The following RGS18 variants were observed in gnomAD, a reference collection of about 807,000 sequenced individuals.
RGS18 encodes the protein regulator of G-protein signaling 18.
Under a neutral mutation model 27.6 loss-of-function variants are expected in RGS18, and 22 were observed. That is an observed-to-expected ratio of 0.80 (90% CI 0.57 to 1.14). The LOEUF (loss-of-function observed/expected upper bound fraction) is 1.14. Among genes scored for constraint, RGS18 ranks in the 50% most tolerant of loss-of-function variants. RGS18 has a pLI of 0.00. For synonymous variants in RGS18, 89 were observed against 84.6 expected (o/e 1.05, Z -0.29); for missense variants, 299 against 269.6 (o/e 1.11, Z -0.76).
intron 3 of RGS18, chr1:192,169,760 A>G (rs1002713585): frequency 7.5e-6 from 1 of 133,580 alleles, no homozygotes; most frequent in South Asian, 2.3e-4. Flanking sequence ...CTTTATAGCA[A>G]CTATTAAGCA....
chr1:192,160,496 T>C (rs1656051756), intron 3 of RGS18, 57 bp downstream of exon 3: 1 of 1,255,616 alleles, frequency 8.0e-7, no homozygotes, highest in Non-Finnish European at 1.2e-6. Context: ...ACACAAACTA[T>C]GCATGTAATT....
chr1:192,165,678 C>T (rs1656152636), intron 3 of RGS18, among the ~76,000 whole-genome samples: 1 of 152,136 alleles, frequency 6.6e-6, no homozygotes, highest in Non-Finnish European at 1.5e-5. Context: ...CTGATACCTT[C>T]TGCAAAATAT....
In RGS18 at chr1:192,159,299, G is replaced by T; in HGVS notation, c.199G>T (p.Gly67Trp). The T allele has an allele frequency of 6.2e-7, 1 of 1,612,366 alleles. No individual in the cohort carries two copies. Among genetic ancestry groups the T allele is most frequent in the Non-Finnish European group, 8.5e-7 (1 of 1,178,528 alleles). Reference sequence around the variant, plus strand: ...TGAAGACACCCGCTCCAGTAGATCTGGGCACTTGGCCAAAGAAACAAGGTG... The same window carrying T: ...TGAAGACACCCGCTCCAGTAGATCTTGGCACTTGGCCAAAGAAACAAGGTG... ...FHEDTRSSRS[G>W]HLAKETRVSP... Residue 67 changes from glycine (G) to tryptophan (W), a missense_variant, in exon 2 of 5, where the codon GGG becomes TGG. Coordinates refer to ENST00000367460, the MANE Select transcript of RGS18 (RefSeq NM_130782.3).
At chr1:192,160,511 G>A (rs994425905) in intron 3 of RGS18, 72 bp downstream of exon 3, 38 of 1,088,038 alleles carry the variant, frequency 3.5e-5, no homozygotes, top group Admixed American at 3.4e-4. Flanking sequence ...GTAATTATCC[G>A]AAACAATAGG....
intron 2 of RGS18, among the ~76,000 whole-genome samples, chr1:192,160,151 G>GA (rs546179206): frequency 1.3e-5 from 2 of 151,262 alleles, no homozygotes; most frequent in Non-Finnish European, 3.0e-5. Flanking sequence ...ATATCCATGA[G>GA]AAAAAAAATA....
chr1:192,183,394 C>T (rs1031057484), intron 4 of RGS18, among the ~76,000 whole-genome samples: 3 of 151,598 alleles, frequency 2.0e-5, no homozygotes, highest in Non-Finnish European at 4.4e-5. Context: ...ATTAAAATCT[C>T]AAATATGCCC....
intron 3 of RGS18, among the ~76,000 whole-genome samples, chr1:192,165,830 T>A (rs1476436301): frequency 6.6e-6 from 1 of 152,190 alleles, no homozygotes; most frequent in Non-Finnish European, 1.5e-5. Context: ...TATTAGTCTA[T>A]TTTTTCTGCT....
chr1:192,161,918 T>C lies in RGS18; in HGVS notation c.283+1479T>C, dbSNP rs565146777. Among the ~76,000 whole-genome samples, 312 of 152,344 alleles carry C rather than the reference T, an allele frequency of 2.0e-3. 1 individual carries two copies. The highest frequency in any genetic ancestry group is 7.2e-3 in the African/African-American group (299 of 41,574). ...CTCTTTATAAGGTCTTGGTGACCTT[T>C]TCATGTTCTTCTGAATTTAGTGATA... On this transcript the variant is annotated intron_variant, in intron 3 of 4. Coordinates refer to ENST00000367460, the MANE Select transcript of RGS18 (RefSeq NM_130782.3).
intron 3 of RGS18, among the ~76,000 whole-genome samples, chr1:192,175,966 G>A (rs1226443096): frequency 6.6e-6 from 1 of 151,840 alleles, no homozygotes; most frequent in Non-Finnish European, 1.5e-5. Flanking sequence ...CAGGAAAGCT[G>A]CTAAGAGTGA....
At position 192,158,689 on chromosome 1, in the gene RGS18, G is replaced by T; in HGVS notation, c.52G>T (p.Glu18Ter). The T allele has an allele frequency of 6.3e-7, 1 of 1,581,866 alleles. No homozygotes were observed. Among genetic ancestry groups the T allele is most frequent in the Non-Finnish European group, 8.6e-7 (1 of 1,169,360 alleles). ...FSQINMCESK[E>*]KTFFKLIHGS... ...TCAAATAAATATGTGTGAATCAAAAGAAAAAACTTTTTTCAAGTTAATACA... is the reference window on the plus strand; with the variant it reads ...TCAAATAAATATGTGTGAATCAAAATAAAAAACTTTTTTCAAGTTAATACA... Residue 18 changes from glutamate (E) to a stop codon, truncating the protein, a stop_gained, in exon 1 of 5, where the codon GAA becomes TAA. Coordinates refer to ENST00000367460, the MANE Select transcript of RGS18 (RefSeq NM_130782.3). LOFTEE classifies it high-confidence loss of function.
At chr1:192,170,569 T>C (rs1364205219) in intron 3 of RGS18, among the ~76,000 whole-genome samples, 2 of 151,908 alleles carry the variant, frequency 1.3e-5, no homozygotes, top group African/African-American at 4.8e-5. Context: ...TATTCCTTTA[T>C]AGCAATGCAA....
intron 3 of RGS18, among the ~76,000 whole-genome samples, chr1:192,164,719 C>G (rs1251909245): frequency 2.0e-5 from 3 of 152,100 alleles, no homozygotes; most frequent in East Asian, 3.9e-4. Context: ...CCAGCTGAAG[C>G]TATGGCAGAA....
At chr1:192,166,466 C>T (rs1051311143) in intron 3 of RGS18, among the ~76,000 whole-genome samples, 1 of 151,924 alleles carries the variant, frequency 6.6e-6, no homozygotes, top group Non-Finnish European at 1.5e-5. Context: ...ACTTTGGAAG[C>T]CTTTGTGTGT....
In RGS18 at chr1:192,160,406, G is replaced by C. The variant is rs750065202; in HGVS notation, c.250G>C (p.Gly84Arg). The C allele has an allele frequency of 5.0e-6, 8 of 1,612,402 alleles. No homozygotes were observed. In the South Asian group the frequency reaches 8.8e-5, roughly 18 times the overall value. The change falls in exon 3 of 5, where the codon GGT becomes CGT. Residue 84 changes from glycine to arginine, a missense_variant. Physicochemically the swap from Gly to Arg is moderately radical, Grantham distance 125. Coordinates refer to ENST00000367460, the MANE Select transcript of RGS18 (RefSeq NM_130782.3). ...RVSPEEAVKW[G>R]ESFDKLLSHR... is the part of the protein sequence containing the mutation. ...CTCCCCTGAAGAGGCAGTGAAATGG[G>C]GTGAATCATTTGACAAACTGCTTTC... is the stretch of plus-strand genomic sequence containing the variant.
chr1:192,172,014 C>T (rs1315707014), intron 3 of RGS18, among the ~76,000 whole-genome samples: 1 of 151,984 alleles, frequency 6.6e-6, no homozygotes, highest in Non-Finnish European at 1.5e-5. Flanking sequence ...GGAAGAATCA[C>T]GTTTCTGCTC....
Position 192,184,524 on chromosome 1 carries a change from T to G in RGS18, c.678T>G (p.Asp226Glu). 6.2e-7 allele frequency: 1 copy of G among 1,611,440 alleles called. No individual in the cohort carries two copies. The highest frequency in any genetic ancestry group is 8.5e-7 in the Non-Finnish European group (1 of 1,178,338). ...CATTTACCTGCAATGAATTCCAAGA[T>G]GTACAATCAGATGTTGCCATTTGGT... ...SRSFTCNEFQDVQSDVAIWL is the reference protein window; with the variant it reads ...SRSFTCNEFQEVQSDVAIWL Residue 226 changes from aspartate to glutamate, a missense_variant, in exon 5 of 5, where the codon GAT (aspartate) becomes GAG (glutamate). Physicochemically the swap from Asp to Glu is conservative, Grantham distance 45 (BLOSUM62 2). Coordinates refer to ENST00000367460, the MANE Select transcript of RGS18 (RefSeq NM_130782.3).
At chr1:192,159,361 T>A (rs1656030814) in intron 2 of RGS18, 40 bp downstream of exon 2, 5 of 1,348,442 alleles carry the variant, frequency 3.7e-6, no homozygotes, top group South Asian at 3.6e-5. Flanking sequence ...ATTTTGCTGA[T>A]TCTATCATTA....
Position 192,184,605 on chromosome 1 carries a change from A to T in RGS18, c.*51A>T, listed in dbSNP as rs1656514122. 6.6e-7 allele frequency: 1 copy of T among 1,510,894 alleles called. No homozygotes were observed. The highest frequency in any genetic ancestry group is 9.1e-7 in the Non-Finnish European group (1 of 1,096,334). The allele number at this position is 1,510,894 out of a possible 1,614,324, so 93.6% of individuals were successfully genotyped here. A position where few individuals can be genotyped will look rare whatever the true frequency, so the allele number is the denominator to read the frequency against. On this transcript the variant is annotated 3_prime_UTR_variant, in exon 5 of 5. Coordinates refer to ENST00000367460, the MANE Select transcript of RGS18 (RefSeq NM_130782.3). ...TGACAAACTTATACATCTGCTTCTA[A>T]CATATCGCATGTTTATGTTAAGATT...
chr1:192,173,309 T>C (rs1656295824), intron 3 of RGS18, among the ~76,000 whole-genome samples: 1 of 151,988 alleles, frequency 6.6e-6, no homozygotes, highest in African/African-American at 2.4e-5. Flanking sequence ...AATAGCTGGA[T>C]TTTAAAACAT....
Sources: allele counts gnomAD v4.1 joint callset (sites outside exome capture counted in the v4.1 genomes callset), GRCh38; gene constraint gnomAD v4.1.1; transcripts MANE v1.5; gene names NCBI Gene and HGNC (gene_info 2026-07-23, HGNC 2026-07-21).